The following SLC6A16 variants were observed in gnomAD, a reference collection of about 807,000 sequenced individuals.
SLC6A16 encodes orphan sodium- and chloride-dependent neurotransmitter transporter NTT5.
In SLC6A16, 54 loss-of-function variants were observed where a neutral mutation model predicts 65.4. The observed-to-expected ratio is 0.83, with a 90% CI of 0.66 to 1.04. The LOEUF is 1.04. Ranked by LOEUF, SLC6A16 falls within the 50% of genes least tolerant of loss-of-function variation. The pLI, the probability that SLC6A16 is intolerant of heterozygous loss-of-function variation, is 0.00. For synonymous variants in SLC6A16, 330 were observed against 346.5 expected (o/e 0.95, Z 0.53); for missense variants, 816 against 914.0 (o/e 0.89, Z 1.38).
At chr19:49,337,682 AC>A in the SLC6A16 span, 2 of 1,527,966 alleles carry the variant, frequency 1.3e-6, no homozygotes, top group Non-Finnish European at 1.8e-6. Context: ...AAAGGGAAAC[AC>A]ACGGGAAAAA....
At chr19:49,329,451 T>C (rs544921559), upstream of SLC6A16, among the ~76,000 whole-genome samples, 17 of 152,074 alleles carry the variant, frequency 1.1e-4, no homozygotes, top group South Asian at 3.3e-3. Flanking sequence ...AGAAAACTAA[T>C]GGTGATTAGG....
At chr19:49,330,946 C>CAA in the SLC6A16 span, among the ~76,000 whole-genome samples, 2 of 140,650 alleles carry the variant, frequency 1.4e-5, no homozygotes, top group Non-Finnish European at 3.1e-5. Context: ...AAAAAAAACA[C>CAA]AAAAAAAAAA....
At chr19:49,335,548 C>T in the SLC6A16 span, 11 of 1,613,614 alleles carry the variant, frequency 6.8e-6, no homozygotes, top group Non-Finnish European at 9.3e-6. The surrounding 1 kb of genome is among the most constrained non-coding windows in gnomAD (Gnocchi z 4.6). Context: ...AAGATGTCAG[C>T]CCAGGAGAGC....
the SLC6A16 span, chr19:49,331,862 A>G: frequency 2.2e-6 from 1 of 456,244 alleles, no homozygotes; most frequent in Non-Finnish European, 4.4e-6. Flanking sequence ...GTTGGTGAGC[A>G]TCAAAGCTGC....
intron 7 of SLC6A16, among the ~76,000 whole-genome samples, chr19:49,304,130 A>G (rs1970337992): frequency 1.3e-5 from 2 of 152,248 alleles, no homozygotes; most frequent in South Asian, 4.1e-4. Flanking sequence ...ATGATTGATC[A>G]GTGATGCTTT....
chr19:49,337,840 A>G, the SLC6A16 span: 19 of 1,559,120 alleles, frequency 1.2e-5, no homozygotes. Context: ...AGAGATGCAC[A>G]GGGCCCGCCT....
At chr19:49,300,372 G>A (rs1568528379) in intron 7 of SLC6A16, among the ~76,000 whole-genome samples, 2 of 152,090 alleles carry the variant, frequency 1.3e-5, no homozygotes, top group South Asian at 2.1e-4. Flanking sequence ...ACATTCAAAT[G>A]TAAGTTAGGA....
upstream of SLC6A16, chr19:49,325,245 C>A (rs1277042679): frequency 4.1e-6 from 4 of 984,868 alleles, no homozygotes; most frequent in Non-Finnish European, 4.8e-6. Flanking sequence ...GCCGCGCCCC[C>A]TCACTCTTTC....
chr19:49,322,271 C>A (rs1291699434), intron 1 of SLC6A16, among the ~76,000 whole-genome samples: 1 of 152,104 alleles, frequency 6.6e-6, no homozygotes, highest in African/African-American at 2.4e-5. Context: ...TTTTTATACA[C>A]TAACAATGAA....
the SLC6A16 span, chr19:49,338,975 C>G: frequency 3.2e-6 from 4 of 1,255,932 alleles, no homozygotes; most frequent in Non-Finnish European, 4.5e-6. This position sits in a 1 kb window ranked among gnomAD's most constrained non-coding sequence, Gnocchi z 5.0. Context: ...TCGAATGGGG[C>G]GGGGCCTGCG....
chr19:49,299,135 A>G (rs1274575797), intron 7 of SLC6A16, among the ~76,000 whole-genome samples: 1 of 151,782 alleles, frequency 6.6e-6, no homozygotes, highest in Non-Finnish European at 1.5e-5. Flanking sequence ...AGTCCCAGCT[A>G]CTCGGGAGGC....
chr19:49,339,724 G>T, the SLC6A16 span: 2 of 1,400,868 alleles, frequency 1.4e-6, no homozygotes, highest in Non-Finnish European at 1.8e-6. The surrounding 1 kb of genome is among the most constrained non-coding windows in gnomAD (Gnocchi z 4.5). Context: ...CGAGCCGCAC[G>T]TGCCGGGCGC....
In SLC6A16 at chr19:49,309,068, A is replaced by G. The variant is rs975700340; in HGVS notation, c.1037T>C (p.Val346Ala). ...MSVWSLAGGQVLSNTGIGLGS... is the reference protein window; with the variant it reads ...MSVWSLAGGQALSNTGIGLGS... ...AAGGCCTATGCCTGTGTTAGACAAA[A>G]CTTGACCCCCTGCTAGAGACCACAC... The change falls in exon 7 of 12, where the codon GTT (valine) becomes GCT (alanine). Residue 346 changes from valine (V) to alanine (A), a missense_variant. Coordinates refer to ENST00000335875, the MANE Select transcript of SLC6A16 (RefSeq NM_014037.3). The G allele has an allele frequency of 6.2e-7, 1 of 1,614,212 alleles. No individual in the cohort carries two copies. Among genetic ancestry groups the G allele is most frequent in the Non-Finnish European group, 8.5e-7 (1 of 1,180,038 alleles).
Position 49,311,034 on chromosome 19 carries a change from A to T in SLC6A16, c.314T>A (p.Phe105Tyr). ...AATATACTCAGTTTTGCTGGACCAG[A>T]ACGGACGGGCAAGGAGGACCTCACT... Reference protein sequence around the residue: ...KESEVLLARPFWSSKTEYILA... With the variant: ...KESEVLLARPYWSSKTEYILA... Residue 105 changes from phenylalanine (F) to tyrosine (Y), a missense_variant, in exon 2 of 12, where the codon TTC becomes TAC. Coordinates refer to ENST00000335875, the MANE Select transcript of SLC6A16 (RefSeq NM_014037.3). The T allele has an allele frequency of 6.2e-7, 1 of 1,614,228 alleles. No homozygotes were observed. Among genetic ancestry groups the T allele is most frequent in the Non-Finnish European group, 8.5e-7 (1 of 1,180,042 alleles).
the SLC6A16 span, chr19:49,335,579 C>A: frequency 6.2e-7 from 1 of 1,614,046 alleles, no homozygotes; most frequent in Non-Finnish European, 8.5e-7. This position sits in a 1 kb window ranked among gnomAD's most constrained non-coding sequence, Gnocchi z 4.6. Flanking sequence ...TCATCAAGTA[C>A]TTCCTCTTCG....
intron 1 of SLC6A16, 82 bp from the exon 2 acceptor site, chr19:49,311,493 T>A (rs1345847594): frequency 2.6e-6 from 2 of 777,420 alleles, no homozygotes; most frequent in Admixed American, 3.6e-5. Flanking sequence ...AACATCTCCT[T>A]AAAGCAAATT....
At chr19:49,329,511 G>A (rs973791849), upstream of SLC6A16, among the ~76,000 whole-genome samples, 7 of 152,212 alleles carry the variant, frequency 4.6e-5, no homozygotes, top group South Asian at 2.1e-4. Flanking sequence ...AGCCGGGAGC[G>A]GTGGCTTGCA....
At position 49,290,101 on chromosome 19, in the gene SLC6A16, A is replaced by T; in HGVS notation, c.*22T>A. 6.2e-7 allele frequency: 1 copy of T among 1,609,522 alleles called. No homozygotes were observed. The highest frequency in any genetic ancestry group is 8.5e-7 in the Non-Finnish European group (1 of 1,177,620). ...TTGGATCTGTTCTAAGGGATATGTTATGTGAAGCCAAATTAATGAAGTTAG... is the reference window on the plus strand; with the variant it reads ...TTGGATCTGTTCTAAGGGATATGTTTTGTGAAGCCAAATTAATGAAGTTAG... On this transcript the variant is annotated 3_prime_UTR_variant, in exon 12 of 12. Transcript: ENST00000335875.
chr19:49,309,051 T>A lies in SLC6A16; in HGVS notation c.1054A>T (p.Ile352Leu), dbSNP rs1199589386. Residue 352 changes from isoleucine (I) to leucine (L), a missense_variant, in exon 7 of 12, where the codon ATA (isoleucine) becomes TTA (leucine). Ile to Leu is a conservative substitution (Grantham distance 5, BLOSUM62 2). Coordinates refer to ENST00000335875, the MANE Select transcript of SLC6A16 (RefSeq NM_014037.3). ...AGGQVLSNTG[I>L]GLGSVASLAS... The stretch of plus-strand genomic sequence containing the variant: ...AAGGAGGCAACGGAGCCAAGGCCTA[T>A]GCCTGTGTTAGACAAAACTTGACCC... The A allele has an allele frequency of 1.2e-6, 2 of 1,614,218 alleles. No individual in the cohort carries two copies. Among genetic ancestry groups the A allele is most frequent in the Admixed American group, 3.3e-5 (2 of 60,028 alleles).
Sources: allele counts gnomAD v4.1 joint callset (sites outside exome capture counted in the v4.1 genomes callset), GRCh38; gene constraint gnomAD v4.1.1; non-coding constraint Gnocchi (gnomAD v3.1); transcripts MANE v1.5; gene names NCBI Gene and HGNC (gene_info 2026-07-23, HGNC 2026-07-21).